The following NCOA2 variants were observed in gnomAD, a reference collection of about 807,000 sequenced individuals.
NCOA2 encodes nuclear receptor coactivator 2.
NCOA2 carries 21 observed loss-of-function variants against 145.1 expected under a neutral mutation model. That is an observed-to-expected ratio of 0.14 (90% CI 0.10 to 0.21). NCOA2 has a LOEUF of 0.21. Among genes scored for constraint, NCOA2 ranks in the 10% least tolerant of loss-of-function variants. The pLI, the probability that NCOA2 is intolerant of heterozygous loss-of-function variation, is 1.00. For synonymous variants in NCOA2, 619 were observed against 637.5 expected, an observed-to-expected ratio of 0.97 and a Z score of 0.44; for missense variants, 1,472 against 1,837.6, an observed-to-expected ratio of 0.80 and a Z score of 3.64.
At chr8:70,387,923 A>G (rs1812820972) in intron 1 of NCOA2, among the ~76,000 whole-genome samples, 1 of 152,210 alleles carries the variant, frequency 6.6e-6, no homozygotes, top group Non-Finnish European at 1.5e-5. Context: ...GCCAGTAGGA[A>G]AGGCCAGGCA....
At chr8:70,121,882 C>T in intron 21 of NCOA2, among the ~76,000 whole-genome samples, 1 of 152,206 alleles carries the variant, frequency 6.6e-6, no homozygotes, top group East Asian at 1.9e-4. Flanking sequence ...TGCATTTGTA[C>T]ATTTCTTTAC....
At chr8:70,174,661 G>T in intron 5 of NCOA2, 95 bp downstream of exon 5, 1 of 1,173,044 alleles carries the variant, frequency 8.5e-7, no homozygotes. Flanking sequence ...GTACTAGTGT[G>T]GATTCTCCTT....
At chr8:70,113,833 G>A (rs1256877669) in intron 22 of NCOA2, among the ~76,000 whole-genome samples, 190 bp from the exon 23 acceptor site, 2 of 152,130 alleles carry the variant, frequency 1.3e-5, no homozygotes, top group Non-Finnish European at 2.9e-5. Flanking sequence ...TCCACACAAC[G>A]CTTCCAGGAG....
At chr8:70,427,999 G>A in the NCOA2 span, among the ~76,000 whole-genome samples, 1 of 151,352 alleles carries the variant, frequency 6.6e-6, no homozygotes. Context: ...TTTTTTAAGT[G>A]AAAAAGGAAA....
chr8:70,447,682 CTTTTT>C, the NCOA2 span, among the ~76,000 whole-genome samples: 11 of 113,090 alleles, frequency 9.7e-5, no homozygotes, highest in African/African-American at 3.3e-4. Flanking sequence ...TCTTTGTTTT[CTTTTT>C]TTTTTTTTTT....
the NCOA2 span, among the ~76,000 whole-genome samples, chr8:70,429,084 A>G: frequency 2.0e-5 from 3 of 152,222 alleles, no homozygotes; most frequent in Non-Finnish European, 4.4e-5. Flanking sequence ...TCATGCCAAA[A>G]CATATTTGTC....
chr8:70,212,872 AG>A, intron 4 of NCOA2, among the ~76,000 whole-genome samples: 1 of 152,238 alleles, frequency 6.6e-6, no homozygotes, highest in Non-Finnish European at 1.5e-5. Flanking sequence ...GCTTGAGGTC[AG>A]GAGTTCCAGA....
At chr8:70,397,462 A>G (rs1228386832) in intron 1 of NCOA2, among the ~76,000 whole-genome samples, 7 of 81,178 alleles carry the variant, frequency 8.6e-5, no homozygotes, top group Non-Finnish European at 1.6e-4. Flanking sequence ...CAAAAAAAGG[A>G]AAAAAAAAAA....
At chr8:70,418,135 A>G in the NCOA2 span, among the ~76,000 whole-genome samples, 8 of 152,176 alleles carry the variant, frequency 5.3e-5, no homozygotes, top group Admixed American at 5.2e-4. Flanking sequence ...CAGACCTGTG[A>G]ATAGTGGGTA....
intron 4 of NCOA2, among the ~76,000 whole-genome samples, chr8:70,187,649 A>T (rs559618419): frequency 6.6e-6 from 1 of 152,342 alleles, no homozygotes; most frequent in South Asian, 2.1e-4. Context: ...CATAGAACAT[A>T]TCACAATTCA....
At chr8:70,274,074 A>G (rs182509649) in intron 2 of NCOA2, among the ~76,000 whole-genome samples, 1 of 152,340 alleles carries the variant, frequency 6.6e-6, no homozygotes, top group East Asian at 1.9e-4. Flanking sequence ...GTCTGTGAAT[A>G]AAGTTTGAAA....
At chr8:70,116,454 G>A (rs1807140259) in intron 22 of NCOA2, among the ~76,000 whole-genome samples, 1 of 151,988 alleles carries the variant, frequency 6.6e-6, no homozygotes, top group Admixed American at 6.6e-5. Context: ...GGGAAGTGGA[G>A]GCAGGAGATT....
At chr8:70,441,705 AAAAG>A in the NCOA2 span, among the ~76,000 whole-genome samples, 6 of 151,178 alleles carry the variant, frequency 4.0e-5, no homozygotes, top group Non-Finnish European at 5.9e-5. Context: ...AAAGAAAAGA[AAAAG>A]AAAGAAAGGA....
chr8:70,162,680 A>G (rs1439837051), intron 9 of NCOA2, 31 bp downstream of exon 9: 1 of 1,586,932 alleles, frequency 6.3e-7, no homozygotes, highest in South Asian at 1.1e-5. Flanking sequence ...AGGAAGCAAT[A>G]ATTTAAGAAA....
At chr8:70,155,023 T>G (rs1372665741) in intron 11 of NCOA2, among the ~76,000 whole-genome samples, 1 of 152,248 alleles carries the variant, frequency 6.6e-6, no homozygotes, top group Non-Finnish European at 1.5e-5. Flanking sequence ...AACAACATGT[T>G]GTATACCATA....
intron 10 of NCOA2, among the ~76,000 whole-genome samples, chr8:70,158,868 G>A (rs1416849976): frequency 6.6e-6 from 1 of 152,054 alleles, no homozygotes; most frequent in East Asian, 1.9e-4. Flanking sequence ...TGTTGCTACT[G>A]GGAGCTGATC....
At chr8:70,132,325 G>A (rs1457786211) in intron 15 of NCOA2, among the ~76,000 whole-genome samples, 4 of 152,162 alleles carry the variant, frequency 2.6e-5, no homozygotes, top group African/African-American at 4.8e-5. Context: ...AACCTACACC[G>A]ACTGCTCAAG....
At chr8:70,378,700 C>T (rs2131377169) in intron 1 of NCOA2, among the ~76,000 whole-genome samples, 1 of 134,596 alleles carries the variant, frequency 7.4e-6, no homozygotes. Flanking sequence ...AATGAGAATG[C>T]AAGTTATTCG....
intron 2 of NCOA2, chr8:70,273,895 C>T: frequency 2.0e-6 from 1 of 503,892 alleles, no homozygotes; most frequent in South Asian, 1.5e-5. Flanking sequence ...GAAGAAGTTA[C>T]TGGGAGCTGC....
Sources: gnomAD v4.1 joint callset for allele counts (sites outside exome capture counted in the v4.1 genomes callset) on GRCh38, gnomAD v4.1.1 for gene constraint, MANE v1.5 for transcripts, NCBI Gene and HGNC (gene_info 2026-07-23, HGNC 2026-07-21) for gene names.